The following SLC35F3 variants were observed in gnomAD, a reference collection of about 807,000 sequenced individuals.
The protein encoded by SLC35F3 is putative thiamine transporter SLC35F3.
Under a neutral mutation model 49.9 loss-of-function variants are expected in SLC35F3, and 25 were observed. That is an observed-to-expected ratio of 0.50 (90% CI 0.37 to 0.70). The LOEUF is 0.70. SLC35F3 is among the 30% of genes least tolerant of loss of function. SLC35F3 has a pLI of 0.00. For synonymous variants in SLC35F3, 275 were observed against 265.4 expected, an observed-to-expected ratio of 1.04 and a Z score of -0.35; for missense variants, 525 against 639.8, an observed-to-expected ratio of 0.82 and a Z score of 1.94.
rs533065173 is a variant in SLC35F3 at position 234,168,131 on chromosome 1, C to T, written c.284-63286C>T. The stretch of plus-strand genomic sequence containing the variant: ...CTCACAGTTCTCTGAAGTCAAGAAC[C>T]TCTAAAGTGGCAAGCTGTGCTTCAC... On this transcript the variant is annotated intron_variant, in intron 2 of 7. Transcript: ENST00000366618. 3.3e-5 allele frequency among the ~76,000 whole-genome samples: 5 copies of T among 152,302 alleles called. No individual in the cohort carries two copies. In the East Asian group the frequency reaches 9.7e-4, roughly 29 times the overall value.
chr1:233,958,143 A>T (rs970848480), intron 2 of SLC35F3, among the ~76,000 whole-genome samples: 1 of 152,182 alleles, frequency 6.6e-6, no homozygotes, highest in African/African-American at 2.4e-5. Flanking sequence ...CCTTCACCAC[A>T]CTGAGGACTC....
Position 234,271,874 on chromosome 1 carries a change from C to A in SLC35F3, c.609-37227C>A, listed in dbSNP as rs947391671. On this transcript the variant is annotated intron_variant, in intron 3 of 7. Transcript: ENST00000366618. ...ATGCAGTGGCTCAGGTCTGTAATCC[C>A]AGAACTTTGGGAGGCGAAGGTGGGT... is the stretch of plus-strand genomic sequence containing the variant. Among the ~76,000 whole-genome samples the A allele has an allele frequency of 7.2e-5, 11 of 152,218 alleles. No homozygotes were observed. In the East Asian group the frequency reaches 2.1e-3, roughly 29 times the overall value.
intron 2 of SLC35F3, among the ~76,000 whole-genome samples, chr1:233,948,220 GGAGAGAGGGAGAGAGAGAGAGAGA>G (rs1297099466): frequency 1.6e-5 from 2 of 122,400 alleles, no homozygotes; most frequent in African/African-American, 5.6e-5. Flanking sequence ...AGGGAGAGAG[GGAGAGAGGGAGAGAGAGAGAGAGA>G]GAGAGAGAGA....
At chr1:233,945,186 T>C (rs1294535273) in intron 2 of SLC35F3, among the ~76,000 whole-genome samples, 2 of 151,858 alleles carry the variant, frequency 1.3e-5, no homozygotes, top group Non-Finnish European at 2.9e-5. Flanking sequence ...AAAATCAATA[T>C]TGATGGAGCA....
intron 2 of SLC35F3, among the ~76,000 whole-genome samples, chr1:234,003,226 T>C (rs1324606590): frequency 6.7e-6 from 1 of 150,278 alleles, no homozygotes; most frequent in Non-Finnish European, 1.5e-5. Flanking sequence ...AAGAAATATA[T>C]GAAATATTTT....
intron 4 of SLC35F3, among the ~76,000 whole-genome samples, chr1:234,310,237 T>A (rs1278452312): frequency 6.6e-6 from 1 of 152,146 alleles, no homozygotes; most frequent in Non-Finnish European, 1.5e-5. Context: ...GCTTTCCCCT[T>A]CAGCCACAAA....
At chr1:234,134,043 G>C (rs1255955880) in intron 2 of SLC35F3, among the ~76,000 whole-genome samples, 2 of 152,176 alleles carry the variant, frequency 1.3e-5, no homozygotes, top group Admixed American at 6.5e-5. Context: ...TGTCAGAGAA[G>C]TACATGAAAA....
intron 2 of SLC35F3, among the ~76,000 whole-genome samples, chr1:234,060,642 G>A (rs1045634948): frequency 5.3e-5 from 8 of 152,028 alleles, no homozygotes; most frequent in Non-Finnish European, 7.3e-5. Flanking sequence ...GGTAGAGACC[G>A]GGTTTTACCA....
chr1:233,989,195 T>C (rs1203654010), intron 2 of SLC35F3, among the ~76,000 whole-genome samples: 1 of 152,212 alleles, frequency 6.6e-6, no homozygotes, highest in Admixed American at 6.5e-5. Flanking sequence ...TCTTTCAGAA[T>C]GTTTAAATAC....
intron 2 of SLC35F3, among the ~76,000 whole-genome samples, chr1:234,057,125 T>A (rs760512141): frequency 6.6e-6 from 1 of 152,204 alleles, no homozygotes; most frequent in African/African-American, 2.4e-5. Flanking sequence ...TTTTTGAAGA[T>A]TGTTTTGGCT....
chr1:234,177,337 G>A (rs1268149674), intron 2 of SLC35F3, among the ~76,000 whole-genome samples: 1 of 152,114 alleles, frequency 6.6e-6, no homozygotes, highest in Non-Finnish European at 1.5e-5. Context: ...CATAAAAATG[G>A]GCTAATACAG....
At chr1:234,261,559 T>C (rs1488474904) in intron 3 of SLC35F3, 2 of 152,296 alleles carry the variant, frequency 1.3e-5, no homozygotes, top group African/African-American at 4.8e-5. Context: ...TTTGTCACCA[T>C]CTTGGTTTTG....
intron 2 of SLC35F3, among the ~76,000 whole-genome samples, chr1:234,096,335 T>C (rs1459170656): frequency 1.3e-5 from 2 of 152,224 alleles, no homozygotes; most frequent in Non-Finnish European, 2.9e-5. Flanking sequence ...TCCGTTTGGC[T>C]ACACAGGAAG....
intron 2 of SLC35F3, among the ~76,000 whole-genome samples, chr1:234,119,028 A>C (rs1180269030): frequency 6.6e-6 from 1 of 152,172 alleles, no homozygotes; most frequent in Non-Finnish European, 1.5e-5. Context: ...GAGAGCTGGC[A>C]GGAACCCATC....
At chr1:233,996,409 G>T (rs4244363) in intron 2 of SLC35F3, among the ~76,000 whole-genome samples, 41,737 of 151,788 alleles carry the variant, frequency 0.27, 5,960 homozygotes, top group East Asian at 0.49. Flanking sequence ...ATCCCTCATG[G>T]ATACTGAGGG....
At chr1:234,223,517 A>G in intron 2 of SLC35F3, among the ~76,000 whole-genome samples, 1 of 152,254 alleles carries the variant, frequency 6.6e-6, no homozygotes, top group East Asian at 1.9e-4. Flanking sequence ...TCCTAGCTCT[A>G]CACACTGCCT....
At chr1:234,002,783 T>A (rs1410203077) in intron 2 of SLC35F3, among the ~76,000 whole-genome samples, 2 of 152,128 alleles carry the variant, frequency 1.3e-5, no homozygotes, top group African/African-American at 4.8e-5. Flanking sequence ...CATAAATCAT[T>A]TGGATTTCTT....
At chr1:234,198,228 T>G (rs1320965710) in intron 2 of SLC35F3, among the ~76,000 whole-genome samples, 1 of 152,252 alleles carries the variant, frequency 6.6e-6, no homozygotes, top group Admixed American at 6.5e-5. Context: ...ATGTTGATTA[T>G]ATGGATTATG....
intron 2 of SLC35F3, among the ~76,000 whole-genome samples, chr1:234,108,342 A>T (rs1393003524): frequency 8.8e-6 from 1 of 113,076 alleles, no homozygotes; most frequent in Non-Finnish European, 1.7e-5. Flanking sequence ...TATATATATA[A>T]AAGATATATA....
Sources: gnomAD v4.1 joint callset for allele counts (sites outside exome capture counted in the v4.1 genomes callset) on GRCh38, gnomAD v4.1.1 for gene constraint, MANE v1.5 for transcripts, NCBI Gene and HGNC (gene_info 2026-07-23, HGNC 2026-07-21) for gene names.